PKNOX2: variants seen among roughly 807,000 people sequenced by gnomAD.
PKNOX2 encodes PBX/knotted 1 homeobox 2.
Under a neutral mutation model 53.1 loss-of-function variants are expected in PKNOX2, and 14 were observed. The observed-to-expected ratio is 0.26, with a 90% CI of 0.17 to 0.41. PKNOX2 has a LOEUF of 0.41. Ranked by LOEUF, PKNOX2 falls within the 10% of genes least tolerant of loss-of-function variation. The pLI is 1.00. For missense variants in PKNOX2, 496 were observed against 602.8 expected, an observed-to-expected ratio of 0.82 and a Z score of 1.85; for synonymous variants, 257 against 242.8, an observed-to-expected ratio of 1.06 and a Z score of -0.54.
At chr11:125,340,201 G>A (rs1166191575) in intron 3 of PKNOX2, among the ~76,000 whole-genome samples, 2 of 152,188 alleles carry the variant, frequency 1.3e-5, no homozygotes, top group African/African-American at 2.4e-5. Flanking sequence ...ATTAACTGAT[G>A]TACAAAAGCC....
intron 3 of PKNOX2, among the ~76,000 whole-genome samples, chr11:125,340,807 T>C (rs1223314857): frequency 6.6e-6 from 1 of 152,028 alleles, no homozygotes; most frequent in Non-Finnish European, 1.5e-5. Context: ...ATCCCAGCAC[T>C]TTGGGAGGCC....
chr11:125,236,617 C>T (rs973297121), intron 2 of PKNOX2, among the ~76,000 whole-genome samples: 1 of 152,220 alleles, frequency 6.6e-6, no homozygotes, highest in Non-Finnish European at 1.5e-5. Context: ...AGCTCCCTGG[C>T]AGGGACACAG....
intron 6 of PKNOX2, among the ~76,000 whole-genome samples, chr11:125,395,992 C>T (rs961535114): frequency 3.4e-5 from 5 of 148,548 alleles, no homozygotes; most frequent in Non-Finnish European, 7.4e-5. Flanking sequence ...TGCGCTCTGT[C>T]GCCCAAGCTG....
At chr11:125,227,856 G>T (rs560127004) in intron 1 of PKNOX2, among the ~76,000 whole-genome samples, 1 of 152,324 alleles carries the variant, frequency 6.6e-6, no homozygotes, top group Admixed American at 6.5e-5. Context: ...TGACCTCACT[G>T]GGTCTGTGGC....
intron 2 of PKNOX2, among the ~76,000 whole-genome samples, chr11:125,260,519 A>G (rs947414381): frequency 6.6e-6 from 1 of 152,130 alleles, no homozygotes; most frequent in East Asian, 1.9e-4. Context: ...TTTTTTAATC[A>G]GAAAGGTGAT....
chr11:125,397,106 T>C (rs1450682508), intron 6 of PKNOX2, among the ~76,000 whole-genome samples: 1 of 152,140 alleles, frequency 6.6e-6, no homozygotes, highest in Non-Finnish European at 1.5e-5. Flanking sequence ...AATTGCAAAA[T>C]AGCTTCTTGC....
intron 2 of PKNOX2, among the ~76,000 whole-genome samples, chr11:125,331,133 C>A (rs61917777): frequency 0.028 from 4,262 of 152,286 alleles, 97 homozygotes; most frequent in South Asian, 0.11. Flanking sequence ...TATGGCCGTG[C>A]TGACCACCCA....
intron 1 of PKNOX2, among the ~76,000 whole-genome samples, chr11:125,175,569 G>T (rs1253827325): frequency 6.6e-6 from 1 of 152,194 alleles, no homozygotes; most frequent in African/African-American, 2.4e-5. Context: ...CTGTGCTGGG[G>T]GCTGTCACCA....
chr11:125,249,854 C>T (rs1208208207), intron 2 of PKNOX2, among the ~76,000 whole-genome samples: 1 of 152,054 alleles, frequency 6.6e-6, no homozygotes, highest in African/African-American at 2.4e-5. Flanking sequence ...TGGATCACCT[C>T]AGGTTGGGAG....
chr11:125,273,292 CAG>C lies in PKNOX2; in HGVS notation c.-130+38180_-130+38181del, dbSNP rs1945937000. Among the ~76,000 whole-genome samples, 5 of 152,292 alleles carry C rather than the reference CAG, an allele frequency of 3.3e-5. No individual in the cohort carries two copies. In the South Asian group the frequency reaches 8.3e-4, roughly 25 times the overall value. ...TGAAAATGAATGAAGGCTCAGCAAACAGAGCCCAGCTTCTGAGCAAACAGCTG... is the reference window on the plus strand; with the variant it reads ...TGAAAATGAATGAAGGCTCAGCAAACAGCCCAGCTTCTGAGCAAACAGCTG... On this transcript the variant is annotated intron_variant, in intron 2 of 12. Coordinates refer to ENST00000298282, the MANE Select transcript of PKNOX2 (RefSeq NM_001382323.2).
At chr11:125,388,179 T>G (rs371566995) in intron 6 of PKNOX2, among the ~76,000 whole-genome samples, 1 of 151,412 alleles carries the variant, frequency 6.6e-6, no homozygotes, top group Non-Finnish European at 1.5e-5. Flanking sequence ...TGTCAGGAAG[T>G]GGGAGGTAAA....
chr11:125,409,150 G>A lies in PKNOX2; in HGVS notation c.589-1046G>A, dbSNP rs369017924. Among the ~76,000 whole-genome samples the A allele has an allele frequency of 1.2e-3, 188 of 152,128 alleles. 2 individuals carry two copies. The highest frequency in any genetic ancestry group is 3.8e-3 in the African/African-American group (156 of 41,504). ...TCACTCGCTGCCTTTTTTCTTCTCC[G>A]AACCTAGAGACCCTAACCTCTCCCA... On this transcript the variant is annotated intron_variant, in intron 7 of 12. Transcript: ENST00000298282.
At chr11:125,325,752 C>T (rs573697456) in intron 2 of PKNOX2, among the ~76,000 whole-genome samples, 9 of 152,232 alleles carry the variant, frequency 5.9e-5, no homozygotes, top group African/African-American at 1.4e-4. Context: ...GTAGGAAAAC[C>T]GTGACTTATA....
intron 5 of PKNOX2, among the ~76,000 whole-genome samples, chr11:125,377,872 C>T (rs1018893584): frequency 1.3e-5 from 2 of 152,240 alleles, no homozygotes; most frequent in African/African-American, 4.8e-5. Context: ...CTCCATGCCA[C>T]CCATGGGCCG....
chr11:125,173,415 G>A (rs572143150), intron 1 of PKNOX2, among the ~76,000 whole-genome samples: 2 of 152,250 alleles, frequency 1.3e-5, no homozygotes, highest in African/African-American at 4.8e-5. Context: ...ATTATTTAGG[G>A]TAGCCCAGGC....
intron 10 of PKNOX2, among the ~76,000 whole-genome samples, chr11:125,426,838 G>A (rs973698983): frequency 3.3e-5 from 5 of 152,224 alleles, no homozygotes; most frequent in African/African-American, 7.2e-5. Flanking sequence ...TCTAGTGGGC[G>A]AAAAGCAATC....
At chr11:125,314,318 G>A (rs1456124558) in intron 2 of PKNOX2, among the ~76,000 whole-genome samples, 1 of 152,156 alleles carries the variant, frequency 6.6e-6, no homozygotes, top group East Asian at 1.9e-4. Flanking sequence ...ACGTCACCAT[G>A]GCCAGTTTGG....
intron 2 of PKNOX2, among the ~76,000 whole-genome samples, chr11:125,288,869 G>C (rs7108570): frequency 0.059 from 8,954 of 152,244 alleles, 861 homozygotes; most frequent in African/African-American, 0.2. Flanking sequence ...TGCTTTGTAC[G>C]TATTTCTTAG....
chr11:125,279,194 C>T (rs1300857346), intron 2 of PKNOX2, among the ~76,000 whole-genome samples: 2 of 152,194 alleles, frequency 1.3e-5, no homozygotes, highest in African/African-American at 4.8e-5. Context: ...TGTGTGGCAA[C>T]ATGTAGGTGC....
Sources: gnomAD v4.1 joint callset for allele counts (sites outside exome capture counted in the v4.1 genomes callset) on GRCh38, gnomAD v4.1.1 for gene constraint, MANE v1.5 for transcripts, NCBI Gene and HGNC (gene_info 2026-07-23, HGNC 2026-07-21) for gene names.